Variants in ZNF280C observed in about 807,000 individuals in gnomAD.
ZNF280C encodes the protein suppressor of hairy wing homolog 3.
In ZNF280C, 14 loss-of-function variants were observed where a neutral mutation model predicts 53.6. The ratio of observed to expected loss-of-function variants is 0.26; its 90% CI spans 0.17 to 0.41. The LOEUF (loss-of-function observed/expected upper bound fraction) is 0.41. Among genes scored for constraint, ZNF280C ranks in the 10% least tolerant of loss-of-function variants. The pLI is 1.00. For missense variants in ZNF280C, 416 were observed against 547.1 expected, an observed-to-expected ratio of 0.76 and a Z score of 2.39; for synonymous variants, 203 against 181.1, an observed-to-expected ratio of 1.12 and a Z score of -0.97.
intron 16 of ZNF280C, among the ~76,000 whole-genome samples, chrX:130,206,509 G>A (rs755700846): frequency 9.1e-6 from 1 of 109,425 alleles, no homozygotes; most frequent in East Asian, 2.9e-4. Flanking sequence ...TGGGACTACA[G>A]GCGCCTGCCA....
intron 5 of ZNF280C, among the ~76,000 whole-genome samples, chrX:130,242,939 A>T (rs2032409859): frequency 9.0e-6 from 1 of 111,350 alleles, no homozygotes; most frequent in Non-Finnish European, 1.9e-5. Context: ...CAGCCTCCCA[A>T]AGTGCTAGGA....
Position 130,218,201 on chromosome X carries a change from C to T in ZNF280C, c.1528-2100G>A, listed in dbSNP as rs1361200984. Among the ~76,000 whole-genome samples the T allele has an allele frequency of 4.5e-5, 5 of 111,518 alleles. No individual in the cohort carries two copies. The East Asian group carries it at 8.4e-4, about 19-fold the overall frequency. ...CAAAAAAACCCAACTAACTAAAAGG[C>T]TTTCACAAATAGAGAGGTCAAAATG... On this transcript the variant is annotated intron_variant, in intron 13 of 18. Coordinates refer to ENST00000370978, the MANE Select transcript of ZNF280C (RefSeq NM_017666.5).
At chrX:130,268,339 TTTGA>T (rs1164095761) in intron 1 of ZNF280C, among the ~76,000 whole-genome samples, 2 of 111,363 alleles carry the variant, frequency 1.8e-5, no homozygotes, top group Non-Finnish European at 3.8e-5. Context: ...TCTCTTTTCG[TTTGA>T]TTGAAGAGAC....
chrX:130,257,286 TAATTGGACAATACATAGA>T (rs1204636030), intron 2 of ZNF280C, among the ~76,000 whole-genome samples: 1 of 110,091 alleles, frequency 9.1e-6, no homozygotes, highest in African/African-American at 3.3e-5. Flanking sequence ...ATGAAAATTT[TAATTGGACAATACATAGA>T]AAAAGAGAAA....
At chrX:130,217,790 T>C (rs1483986502) in intron 13 of ZNF280C, among the ~76,000 whole-genome samples, 1 of 112,775 alleles carries the variant, frequency 8.9e-6, no homozygotes, top group Non-Finnish European at 1.9e-5. Flanking sequence ...ATAACAGTTG[T>C]ATGTTAACAG....
In ZNF280C at chrX:130,205,368, G is replaced by C; in HGVS notation, c.2090C>G (p.Ser697Cys). ...GTGTTTAGCCATACGATCTAAGCCG[G>C]AAGAATCAGCTAGGAAATCACATTT... ...CLKCDFLADS[S>C]GLDRMAKHLS... Residue 697 changes from serine to cysteine, a missense_variant, in exon 17 of 19, where the codon TCC becomes TGC. Physicochemically the swap from Ser to Cys is moderately radical, Grantham distance 112. Coordinates refer to ENST00000370978, the MANE Select transcript of ZNF280C (RefSeq NM_017666.5). 1.7e-6 allele frequency: 2 copies of C among 1,207,600 alleles called. No individual in the cohort carries two copies. Among genetic ancestry groups the C allele is most frequent in the Non-Finnish European group, 2.2e-6 (2 of 893,503 alleles).
chrX:130,223,829 A>G (rs1214676838), intron 12 of ZNF280C, among the ~76,000 whole-genome samples: 1 of 112,453 alleles, frequency 8.9e-6, no homozygotes, highest in Non-Finnish European at 1.9e-5. Context: ...TAAACCATAG[A>G]GTCAATAATT....
intron 2 of ZNF280C, among the ~76,000 whole-genome samples, chrX:130,254,743 G>A (rs998491514): frequency 1.8e-5 from 2 of 110,756 alleles, no homozygotes; most frequent in Non-Finnish European, 3.8e-5. Context: ...AACAACAGAT[G>A]CTGAGGGCCT....
chrX:130,211,298 A>G (rs1242006605), intron 15 of ZNF280C, among the ~76,000 whole-genome samples: 2 of 112,428 alleles, frequency 1.8e-5, no homozygotes, highest in African/African-American at 3.2e-5. Flanking sequence ...GATACTTCAC[A>G]GAGGGTGAAA....
intron 15 of ZNF280C, among the ~76,000 whole-genome samples, chrX:130,211,485 C>T (rs2032040142): frequency 8.9e-6 from 1 of 111,982 alleles, no homozygotes; most frequent in Non-Finnish European, 1.9e-5. Context: ...AAAATGAAGC[C>T]TCTGAACATA....
At chrX:130,264,037 A>G (rs765403217) in intron 1 of ZNF280C, among the ~76,000 whole-genome samples, 35 of 105,089 alleles carry the variant, frequency 3.3e-4, no homozygotes, top group Middle Eastern at 4.9e-3. Context: ...AAAAAAAAAA[A>G]AAAAGAAAAG....
chrX:130,226,870 T>C lies in ZNF280C; in HGVS notation c.1284A>G (p.Val428=), dbSNP rs2124702861. Residue 428 remains valine, a synonymous_variant, in exon 12 of 19, where the codon GTA becomes GTG. Transcript: ENST00000370978. ...CATGGGCTGCTCTAAAATGAGCTTCTACATCAGAAAATGTTGATGATCTAA... is the reference window on the plus strand; with the variant it reads ...CATGGGCTGCTCTAAAATGAGCTTCCACATCAGAAAATGTTGATGATCTAA... The part of the protein sequence containing the change: ...CQFRSSTFSD[V]EAHFRAAHEN... The C allele has an allele frequency of 4.1e-6, 5 of 1,206,764 alleles. No homozygotes were observed. Among genetic ancestry groups the C allele is most frequent in the Non-Finnish European group, 5.6e-6 (5 of 893,614 alleles).
intron 2 of ZNF280C, among the ~76,000 whole-genome samples, chrX:130,260,179 G>T (rs2032616155): frequency 9.0e-6 from 1 of 110,883 alleles, no homozygotes; most frequent in Non-Finnish European, 1.9e-5. Flanking sequence ...CTACTCAGGA[G>T]GCTGAGGCAG....
At chrX:130,266,777 A>G (rs1164431165) in intron 1 of ZNF280C, among the ~76,000 whole-genome samples, 5 of 111,681 alleles carry the variant, frequency 4.5e-5, no homozygotes, top group South Asian at 3.7e-4. Context: ...GAGCACTGGG[A>G]AAAAAAGTCT....
intron 13 of ZNF280C, among the ~76,000 whole-genome samples, chrX:130,217,950 T>C (rs1052913344): frequency 2.7e-5 from 3 of 111,771 alleles, no homozygotes; most frequent in Admixed American, 9.5e-5. Context: ...GTGGGTGGAC[T>C]GCCTGAGCTC....
At chrX:130,224,541 C>T in intron 12 of ZNF280C, among the ~76,000 whole-genome samples, 1 of 111,460 alleles carries the variant, frequency 9.0e-6, no homozygotes, top group East Asian at 2.8e-4. Flanking sequence ...TGTAAGGGTA[C>T]AGAGCAGGAT....
In ZNF280C at chrX:130,203,101, A is replaced by C. The variant is rs896467880; in HGVS notation, c.*1876T>G. On this transcript the variant is annotated 3_prime_UTR_variant, in exon 19 of 19. Transcript: ENST00000370978. ...AAGACAGAGCATGTAATAATGTCTA[A>C]TGGTCTGGACAAGTATGAAATTAAG... 1.8e-5 allele frequency: 2 copies of C among 111,739 alleles called. No homozygotes were observed. Among genetic ancestry groups the C allele is most frequent in the African/African-American group, 6.5e-5 (2 of 30,815 alleles). 9.2% of individuals were successfully genotyped at this position (111,739 alleles called of 1,213,427 possible). A position where few individuals can be genotyped will look rare whatever the true frequency, so the allele number is the denominator to read the frequency against.
chrX:130,246,150 A>G (rs1359786474), intron 3 of ZNF280C, among the ~76,000 whole-genome samples: 2 of 112,514 alleles, frequency 1.8e-5, no homozygotes, highest in African/African-American at 6.5e-5. Flanking sequence ...TCTAACAGAA[A>G]TCTAACAATC....
chrX:130,239,024 A>G (rs1230098255), intron 6 of ZNF280C, among the ~76,000 whole-genome samples: 2 of 111,472 alleles, frequency 1.8e-5, no homozygotes, highest in African/African-American at 6.5e-5. Flanking sequence ...GAACTGTAAC[A>G]CTTCAATTGG....
Sources: allele counts gnomAD v4.1 joint callset (sites outside exome capture counted in the v4.1 genomes callset), GRCh38; gene constraint gnomAD v4.1.1; transcripts MANE v1.5; gene names NCBI Gene and HGNC (gene_info 2026-07-23, HGNC 2026-07-21).